KIR2DL1: variants seen among roughly 807,000 people sequenced by gnomAD.
The protein encoded by KIR2DL1 is killer cell immunoglobulin like receptor, two Ig domains and long cytoplasmic tail 1.
In KIR2DL1, 38 loss-of-function variants were observed where a neutral mutation model predicts 33.9. The ratio of observed to expected loss-of-function variants is 1.12; its 90% CI spans 0.86 to 1.47. The LOEUF is 1.47. Among genes scored for constraint, KIR2DL1 ranks in the 40% most tolerant of loss-of-function variants. The probability of loss-of-function intolerance (pLI) is 0.00; values close to 1 mark genes in which losing one functional copy is unlikely to be tolerated. For missense variants in KIR2DL1, 531 were observed against 433.9 expected (o/e 1.22, Z -1.99); for synonymous variants, 179 against 165.9 (o/e 1.08, Z -0.61).
chr19:54,777,367 A>C (rs1314002290), intron 4 of KIR2DL1, among the ~76,000 whole-genome samples: 1 of 148,168 alleles, frequency 6.7e-6, no homozygotes, highest in Non-Finnish European at 1.5e-5. Context: ...CTAGGATGAC[A>C]CAAGTGAGCC....
In KIR2DL1 at chr19:54,773,622, C is replaced by T. The variant is rs757326433; in HGVS notation, c.360C>T (p.Ile120=). 7.6e-6 allele frequency: 12 copies of T among 1,573,340 alleles called. 1 individual carries two copies. Among genetic ancestry groups the T allele is most frequent in the Admixed American group, 1.7e-5 (1 of 58,452 alleles). ...CAGCTCCCAGTGACCCTCTGGACAT[C>T]GTGATCATAGGTGAGAGTGTCCAGA... is the stretch of plus-strand genomic sequence containing the variant. ...QVSAPSDPLD[I]VIIGLYEKPS... The change falls in exon 3 of 8, where the codon ATC becomes ATT. Residue 120 remains isoleucine, a synonymous_variant. Coordinates refer to ENST00000336077, the MANE Select transcript of KIR2DL1 (RefSeq NM_014218.3).
chr19:54,772,662 CA>C (rs1184046203), intron 2 of KIR2DL1, among the ~76,000 whole-genome samples: 2 of 144,774 alleles, frequency 1.4e-5, no homozygotes, highest in Admixed American at 7.1e-5. Context: ...GCCTAGACCA[CA>C]CCACTTCACT....
chr19:54,784,244 G>A lies in KIR2DL1; in HGVS notation c.*431G>A. 3.4e-6 allele frequency: 1 copy of A among 295,110 alleles called. No homozygotes were observed. Among genetic ancestry groups the A allele is most frequent in the Non-Finnish European group, 6.4e-6 (1 of 156,854 alleles). 18.3% of individuals were successfully genotyped at this position (295,110 alleles called of 1,614,324 possible). On this transcript the variant is annotated 3_prime_UTR_variant, in exon 8 of 8. Coordinates refer to ENST00000336077, the MANE Select transcript of KIR2DL1 (RefSeq NM_014218.3). ...CCCTCAGACTAGCTTTCAGTCTTCTGTCAGCAGTAAAACTTATATATTTTT... is the reference window on the plus strand; with the variant it reads ...CCCTCAGACTAGCTTTCAGTCTTCTATCAGCAGTAAAACTTATATATTTTT...
At chr19:54,770,926 A>T in intron 2 of KIR2DL1, 42 bp downstream of exon 2, 2 of 1,575,836 alleles carry the variant, frequency 1.3e-6, no homozygotes, top group South Asian at 2.2e-5. Context: ...CTCCCCACAT[A>T]AGAGGATTTT....
In KIR2DL1 at chr19:54,784,270, T is replaced by A. The variant is rs1268409695; in HGVS notation, c.*457T>A. The A allele has an allele frequency of 3.9e-6, 1 of 255,412 alleles. No homozygotes were observed. Among genetic ancestry groups the A allele is most frequent in the African/African-American group, 2.3e-5 (1 of 43,784 alleles). 15.8% of individuals were successfully genotyped at this position (255,412 alleles called of 1,614,324 possible). On this transcript the variant is annotated 3_prime_UTR_variant, in exon 8 of 8. Transcript: ENST00000336077. ...TCAGCAGTAAAACTTATATATTTTT[T>A]AAAATAACTTCAATGTAGTTTTCCA...
At chr19:54,778,336 G>C (rs1432800604) in intron 4 of KIR2DL1, among the ~76,000 whole-genome samples, 4 of 149,356 alleles carry the variant, frequency 2.7e-5, no homozygotes, top group Admixed American at 6.8e-5. Flanking sequence ...GTTGTTCTAT[G>C]TGCCTTTCTT....
chr19:54,777,514 T>C (rs1245634129), intron 4 of KIR2DL1, among the ~76,000 whole-genome samples: 1 of 150,192 alleles, frequency 6.7e-6, no homozygotes, highest in African/African-American at 2.4e-5. Flanking sequence ...TGCTCCTTTT[T>C]CAATTAAATC....
chr19:54,783,876 T>C lies in KIR2DL1; in HGVS notation c.*63T>C. 1 of 1,609,630 alleles carries C rather than the reference T, an allele frequency of 6.2e-7. No individual in the cohort carries two copies. The highest frequency in any genetic ancestry group is 1.1e-5 in the South Asian group (1 of 90,994). On this transcript the variant is annotated 3_prime_UTR_variant, in exon 8 of 8. Transcript: ENST00000336077. ...ACAACAGCCCTGTCTCAAAACCGGG[T>C]TGCCAGCTCCCATGTACCAGCAGCT...
chr19:54,770,456 T>C (rs1212566554), intron 1 of KIR2DL1, among the ~76,000 whole-genome samples: 1 of 142,650 alleles, frequency 7.0e-6, no homozygotes, highest in Non-Finnish European at 1.5e-5. Flanking sequence ...AGAGGATATA[T>C]GGGCCTGGAG....
intron 2 of KIR2DL1, among the ~76,000 whole-genome samples, chr19:54,771,534 A>G (rs1455429147): frequency 1.2e-3 from 156 of 135,004 alleles, no homozygotes; most frequent in African/African-American, 2.4e-3. Context: ...TTGGAAAGCG[A>G]GGAGAATCTT....
chr19:54,779,294 GC>G (rs1240926274), intron 5 of KIR2DL1, among the ~76,000 whole-genome samples: 13 of 148,756 alleles, frequency 8.7e-5, no homozygotes, highest in Admixed American at 4.8e-4. Flanking sequence ...AGTAGGAAGT[GC>G]ATCTTACTGG....
chr19:54,772,788 A>C (rs2075893620), intron 2 of KIR2DL1, among the ~76,000 whole-genome samples: 1 of 144,534 alleles, frequency 6.9e-6, no homozygotes, highest in Non-Finnish European at 1.5e-5. Flanking sequence ...TGATGATGCC[A>C]CCACCAGGCT....
chr19:54,774,684 G>A (rs1184656892), intron 3 of KIR2DL1, among the ~76,000 whole-genome samples: 1 of 148,166 alleles, frequency 6.7e-6, no homozygotes, highest in African/African-American at 2.5e-5. Context: ...CATAGAGAGA[G>A]AGAGATGATA....
chr19:54,780,531 C>T (rs2076820286), intron 5 of KIR2DL1, among the ~76,000 whole-genome samples: 1 of 143,972 alleles, frequency 6.9e-6, no homozygotes, highest in South Asian at 2.3e-4. Flanking sequence ...CCATTGGATT[C>T]ACCTCGGGGT....
chr19:54,779,110 C>A (rs2076681888), intron 5 of KIR2DL1, among the ~76,000 whole-genome samples: 1 of 148,058 alleles, frequency 6.8e-6, no homozygotes, highest in African/African-American at 2.5e-5. Context: ...CTTGCCGTAA[C>A]AGAGAACAGA....
intron 2 of KIR2DL1, among the ~76,000 whole-genome samples, chr19:54,771,610 C>T (rs34083523): frequency 2.8e-5 from 4 of 144,470 alleles, no homozygotes; most frequent in African/African-American, 7.6e-5. Context: ...CTTCTCCCCA[C>T]GGTGGTCAGG....
intron 4 of KIR2DL1, among the ~76,000 whole-genome samples, chr19:54,777,366 C>A (rs533417372): frequency 1.2e-4 from 18 of 148,198 alleles, no homozygotes; most frequent in African/African-American, 4.2e-4. Context: ...TCTAGGATGA[C>A]ACAAGTGAGC....
chr19:54,783,115 G>T lies in KIR2DL1; in HGVS notation c.817+92G>T, dbSNP rs2077227541. 5 of 1,442,316 alleles carry T rather than the reference G, an allele frequency of 3.5e-6. No homozygotes were observed. In the Admixed American group the frequency reaches 6.9e-5, roughly 20 times the overall value. 89.3% of individuals were successfully genotyped at this position (1,442,316 alleles called of 1,614,324 possible). The stretch of plus-strand genomic sequence containing the variant: ...GGTGTGTGTTCCTCACAAACAGGAT[G>T]GTCCCTGGCCCAAGGCAGCAGCCAC... On this transcript the variant is annotated intron_variant, in intron 6 of 7. Transcript: ENST00000336077.
At chr19:54,783,341 C>A in intron 6 of KIR2DL1, 145 bp from the exon 7 acceptor site, 2 of 861,544 alleles carry the variant, frequency 2.3e-6, no homozygotes, top group South Asian at 1.6e-5. Context: ...TCCTTGAGCT[C>A]AGAGAGATAG....
Sources: allele counts gnomAD v4.1 joint callset (sites outside exome capture counted in the v4.1 genomes callset), GRCh38; gene constraint gnomAD v4.1.1; transcripts MANE v1.5; gene names NCBI Gene and HGNC (gene_info 2026-07-23, HGNC 2026-07-21).